Variants in AUTS2 observed in about 807,000 individuals in gnomAD.
The protein encoded by AUTS2 is autism susceptibility gene 2 protein.
In AUTS2, 17 loss-of-function variants were observed where a neutral mutation model predicts 112.4. That is an observed-to-expected ratio of 0.15 (90% confidence interval 0.10 to 0.23). The LOEUF (loss-of-function observed/expected upper bound fraction) is 0.23. Ranked by LOEUF, AUTS2 falls within the 10% of genes least tolerant of loss-of-function variation. AUTS2 has a pLI of 1.00. For missense variants in AUTS2, 1,510 were observed against 1,701.6 expected, an observed-to-expected ratio of 0.89 and a Z score of 1.98; for synonymous variants, 751 against 702.7, an observed-to-expected ratio of 1.07 and a Z score of -1.09.
At chr7:70,682,490 G>T (rs1242258113) in intron 5 of AUTS2, among the ~76,000 whole-genome samples, 1 of 152,086 alleles carries the variant, frequency 6.6e-6, no homozygotes. Flanking sequence ...TGTTGTTGCC[G>T]TGATTTATTT....
chr7:69,720,632 G>T (rs1798880114), intron 1 of AUTS2, among the ~76,000 whole-genome samples: 1 of 152,226 alleles, frequency 6.6e-6, no homozygotes, highest in East Asian at 1.9e-4. Flanking sequence ...ATTTTTCTTT[G>T]AAATGAAATA....
chr7:70,742,594 C>G (rs1365772184), intron 6 of AUTS2, among the ~76,000 whole-genome samples: 3 of 152,146 alleles, frequency 2.0e-5, no homozygotes, highest in African/African-American at 7.2e-5. Flanking sequence ...GAAACCCCAT[C>G]TCTACTAAAA....
intron 5 of AUTS2, among the ~76,000 whole-genome samples, chr7:70,691,310 T>C (rs1482107881): frequency 6.6e-6 from 1 of 152,112 alleles, no homozygotes; most frequent in Non-Finnish European, 1.5e-5. Flanking sequence ...AAGAAGCCAT[T>C]AGTGTTTAGT....
chr7:69,719,727 C>G (rs532229010), intron 1 of AUTS2, among the ~76,000 whole-genome samples: 6 of 152,258 alleles, frequency 3.9e-5, no homozygotes, highest in African/African-American at 1.4e-4. Flanking sequence ...GTATTCTTGT[C>G]ATTGCTTGTC....
At chr7:69,833,382 G>A (rs1197730286) in intron 1 of AUTS2, among the ~76,000 whole-genome samples, 4 of 152,186 alleles carry the variant, frequency 2.6e-5, no homozygotes, top group East Asian at 3.9e-4. Flanking sequence ...AAGGCCAATC[G>A]TATCTGAACT....
At chr7:70,066,224 G>A (rs546720463) in intron 2 of AUTS2, among the ~76,000 whole-genome samples, 1 of 152,234 alleles carries the variant, frequency 6.6e-6, no homozygotes, top group African/African-American at 2.4e-5. Flanking sequence ...TATGGCAATT[G>A]AAGTACAGTT....
intron 6 of AUTS2, among the ~76,000 whole-genome samples, chr7:70,717,670 C>T (rs919500489): frequency 6.6e-6 from 1 of 152,220 alleles, no homozygotes; most frequent in African/African-American, 2.4e-5. Flanking sequence ...TATCCACTAT[C>T]TGTGTAGCTT....
chr7:69,689,247 C>T (rs898721893), intron 1 of AUTS2, among the ~76,000 whole-genome samples: 7 of 151,854 alleles, frequency 4.6e-5, no homozygotes, highest in African/African-American at 1.7e-4. Flanking sequence ...ATCACTTCCT[C>T]AGAGAGGCTT....
intron 4 of AUTS2, among the ~76,000 whole-genome samples, chr7:70,161,746 C>T (rs1290650394): frequency 6.6e-6 from 1 of 151,914 alleles, no homozygotes; most frequent in Non-Finnish European, 1.5e-5. Context: ...CTTTGGAGTA[C>T]TTTAAGAATC....
At position 70,260,843 on chromosome 7, in the gene AUTS2, G is replaced by A. The variant is rs185914494; in HGVS notation, c.660+126272G>A. On this transcript the variant is annotated intron_variant, in intron 4 of 18. Transcript: ENST00000342771. ...CGGCTCACTGCAACCTCCGCCTCCC[G>A]GGTTCAAGCGATTCTACTGCCTCAG... Among the ~76,000 whole-genome samples, 5 of 151,824 alleles carry A rather than the reference G, an allele frequency of 3.3e-5. No individual in the cohort carries two copies. In the East Asian group the frequency reaches 5.8e-4, roughly 18 times the overall value.
At chr7:69,997,333 A>ACGT (rs1018247653) in intron 2 of AUTS2, among the ~76,000 whole-genome samples, 2 of 152,152 alleles carry the variant, frequency 1.3e-5, no homozygotes, top group African/African-American at 4.8e-5. Context: ...ATACCTTTTC[A>ACGT]CGTGATGGTC....
At chr7:70,661,852 T>C (rs557502900) in intron 5 of AUTS2, among the ~76,000 whole-genome samples, 63 of 151,870 alleles carry the variant, frequency 4.1e-4, no homozygotes, top group Non-Finnish European at 8.7e-4. Context: ...GGTACGGGAA[T>C]GGCTTTTTGG....
intron 5 of AUTS2, among the ~76,000 whole-genome samples, chr7:70,614,102 C>G (rs1236846524): frequency 6.6e-6 from 1 of 152,206 alleles, no homozygotes; most frequent in Non-Finnish European, 1.5e-5. Flanking sequence ...AGAGATGAGA[C>G]TGGCTGGCTA....
At chr7:69,910,745 A>G (rs894120759) in intron 2 of AUTS2, among the ~76,000 whole-genome samples, 1 of 152,156 alleles carries the variant, frequency 6.6e-6, no homozygotes, top group Admixed American at 6.5e-5. Context: ...CTCCTGCCTC[A>G]GCCTACCAAG....
intron 5 of AUTS2, among the ~76,000 whole-genome samples, chr7:70,561,904 G>A (rs1157705725): frequency 1.3e-5 from 2 of 151,964 alleles, no homozygotes; most frequent in African/African-American, 2.4e-5. Flanking sequence ...TCCAGTGTTC[G>A]AGGTGGGCGC....
chr7:70,311,721 G>A (rs1201811775), intron 4 of AUTS2, among the ~76,000 whole-genome samples: 1 of 151,350 alleles, frequency 6.6e-6, no homozygotes, highest in Non-Finnish European at 1.5e-5. Flanking sequence ...CACACTTAGC[G>A]AATTTTTTTT....
chr7:70,166,861 A>C (rs1808410151), intron 4 of AUTS2, among the ~76,000 whole-genome samples: 1 of 152,244 alleles, frequency 6.6e-6, no homozygotes. Context: ...GCTGCCTGCA[A>C]AAAACCCATT....
chr7:70,292,395 G>T (rs1350215303), intron 4 of AUTS2: 1 of 152,416 alleles, frequency 6.6e-6, no homozygotes, highest in East Asian at 1.9e-4. Flanking sequence ...GAGACTTTCC[G>T]ATAGCCTCTA....
At chr7:70,598,902 T>G (rs1277733276) in intron 5 of AUTS2, among the ~76,000 whole-genome samples, 1 of 152,092 alleles carries the variant, frequency 6.6e-6, no homozygotes, top group Non-Finnish European at 1.5e-5. Flanking sequence ...CAGATGTGGG[T>G]CAAAAACAGA....
Sources: allele counts gnomAD v4.1 joint callset (sites outside exome capture counted in the v4.1 genomes callset), GRCh38; gene constraint gnomAD v4.1.1; transcripts MANE v1.5; gene names NCBI Gene and HGNC (gene_info 2026-07-23, HGNC 2026-07-21).